RGS17: variants seen among roughly 807,000 people sequenced by gnomAD.
The protein encoded by RGS17 is regulator of G-protein signaling 17.
RGS17 carries 12 observed loss-of-function variants against 25.5 expected under a neutral mutation model. The ratio of observed to expected loss-of-function variants is 0.47; its 90% CI spans 0.30 to 0.76. The LOEUF is 0.76. Ranked by LOEUF, RGS17 falls within the 30% of genes least tolerant of loss-of-function variation. RGS17 has a pLI of 0.07. For missense variants in RGS17, 196 were observed against 242.2 expected (o/e 0.81, Z 1.27); for synonymous variants, 71 against 76.9 (o/e 0.92, Z 0.40).
At chr6:153,039,449 C>G (rs909391663) in intron 2 of RGS17, among the ~76,000 whole-genome samples, 1 of 152,108 alleles carries the variant, frequency 6.6e-6, no homozygotes, top group African/African-American at 2.4e-5. Context: ...TCTCCATAGC[C>G]GTCATCTCAC....
rs774126851 is a variant in RGS17, at chr6:153,011,740, C to T, written c.467G>A (p.Arg156Lys). 1 of 1,608,298 alleles carries T rather than the reference C, an allele frequency of 6.2e-7. No homozygotes were observed. Among genetic ancestry groups the T allele is most frequent in the Admixed American group, 1.7e-5 (1 of 58,394 alleles). Residue 156 changes from arginine to lysine, a missense_variant, in exon 5 of 5, where the codon AGA (arginine) becomes AAA (lysine). By Grantham distance (26) the Arg-to-Lys change is conservative. This residue lies in a region of RGS17 where 179 missense variants were observed against 197.6 expected (regional missense o/e 0.91). Coordinates refer to ENST00000206262, the MANE Select transcript of RGS17 (RefSeq NM_012419.5). ...PKEVSLDSRV[R>K]EVINRNLLDP... ...CAACAGATTTCTATTGATCACCTCT[C>T]TAACTCGAGAATCAAGACTGACCTA...
At chr6:153,026,255 A>G (rs1449788863) in intron 3 of RGS17, among the ~76,000 whole-genome samples, 199 bp downstream of exon 3, 1 of 152,250 alleles carries the variant, frequency 6.6e-6, no homozygotes, top group East Asian at 1.9e-4. Flanking sequence ...TGTTTTAGCC[A>G]ATAACTTAAC....
At chr6:153,103,404 T>C (rs989824435) in intron 1 of RGS17, among the ~76,000 whole-genome samples, 2 of 152,174 alleles carry the variant, frequency 1.3e-5, no homozygotes, top group Non-Finnish European at 2.9e-5. Context: ...GGGTGGAGGA[T>C]GCTGTTGTGA....
chr6:153,069,768 G>GTGTA (rs1554239862), intron 1 of RGS17, among the ~76,000 whole-genome samples: 1 of 151,694 alleles, frequency 6.6e-6, no homozygotes, highest in African/African-American at 2.4e-5. Flanking sequence ...GTGTGTGTGT[G>GTGTA]TGTATCTACT....
intron 1 of RGS17, among the ~76,000 whole-genome samples, chr6:153,107,288 G>A (rs550969326): frequency 3.9e-5 from 6 of 152,110 alleles, no homozygotes; most frequent in South Asian, 4.2e-4. Context: ...AGCCGAGATC[G>A]CGCCATTGCA....
chr6:153,083,949 T>C (rs1020916249), intron 1 of RGS17, among the ~76,000 whole-genome samples: 95 of 152,328 alleles, frequency 6.2e-4, no homozygotes, highest in African/African-American at 2.2e-3. Context: ...GTAAATCTCA[T>C]TTTATGAAAT....
At chr6:153,050,924 A>G (rs1013049570) in intron 1 of RGS17, among the ~76,000 whole-genome samples, 1 of 152,346 alleles carries the variant, frequency 6.6e-6, no homozygotes, top group African/African-American at 2.4e-5. Context: ...TAATTAGGTC[A>G]CAAGAGCAGA....
intron 1 of RGS17, among the ~76,000 whole-genome samples, chr6:153,111,908 C>A (rs1200943243): frequency 2.0e-5 from 3 of 152,146 alleles, no homozygotes; most frequent in Non-Finnish European, 4.4e-5. Flanking sequence ...AAAAGGACGT[C>A]CACACAAACC....
At chr6:153,040,077 A>ATGCCCTGGATTTGAGCATCCATTCCT in intron 2 of RGS17, among the ~76,000 whole-genome samples, 1 of 151,968 alleles carries the variant, frequency 6.6e-6, no homozygotes, top group East Asian at 1.9e-4. Context: ...TGTCCATTTT[A>ATGCCCTGGATTTGAGCATCCATTCCT]TGTGTATTTA....
intron 1 of RGS17, among the ~76,000 whole-genome samples, chr6:153,104,809 C>CGA (rs918292916): frequency 8.5e-4 from 125 of 146,698 alleles, no homozygotes; most frequent in South Asian, 3.0e-3. Flanking sequence ...GGCTACAGAG[C>CGA]GAGACTCTTG....
intron 4 of RGS17, among the ~76,000 whole-genome samples, chr6:153,016,730 G>C (rs1779188856): frequency 6.6e-6 from 1 of 152,176 alleles, no homozygotes; most frequent in Non-Finnish European, 1.5e-5. Flanking sequence ...TGTCTGAAAA[G>C]GCTGTCGATC....
intron 2 of RGS17, among the ~76,000 whole-genome samples, chr6:153,037,654 G>A (rs1458265394): frequency 1.3e-5 from 2 of 151,840 alleles, no homozygotes; most frequent in East Asian, 3.9e-4. Context: ...TCAAACTCCT[G>A]ACCTCGTGAT....
At chr6:153,090,706 G>C (rs1161039065) in intron 1 of RGS17, among the ~76,000 whole-genome samples, 1 of 152,150 alleles carries the variant, frequency 6.6e-6, no homozygotes, top group African/African-American at 2.4e-5. Flanking sequence ...GCATGATTAA[G>C]TCTCACGCTG....
chr6:153,039,928 G>C (rs925954559), intron 2 of RGS17, among the ~76,000 whole-genome samples: 4 of 152,182 alleles, frequency 2.6e-5, no homozygotes, highest in Admixed American at 6.5e-5. Flanking sequence ...AAAGAAAAGG[G>C]AAGAAGGTTA....
At chr6:153,023,517 A>G (rs2098138188) in intron 4 of RGS17, 1 of 269,748 alleles carries the variant, frequency 3.7e-6, no homozygotes, top group African/African-American at 2.2e-5. Flanking sequence ...ACATTTCTCA[A>G]GAACAAATTA....
intron 1 of RGS17, among the ~76,000 whole-genome samples, chr6:153,082,669 T>C (rs1777001580): frequency 6.6e-6 from 1 of 152,204 alleles, no homozygotes; most frequent in Non-Finnish European, 1.5e-5. Context: ...AAATTCTGTT[T>C]CTCTTGGATG....
At chr6:153,075,226 AC>A (rs1776861508) in intron 1 of RGS17, among the ~76,000 whole-genome samples, 1 of 152,204 alleles carries the variant, frequency 6.6e-6, no homozygotes, top group Non-Finnish European at 1.5e-5. Context: ...TAAAGGTAGA[AC>A]ACCAACTACA....
chr6:153,089,378 A>G (rs1001043147), intron 1 of RGS17, among the ~76,000 whole-genome samples: 7 of 152,162 alleles, frequency 4.6e-5, no homozygotes, highest in African/African-American at 1.7e-4. Context: ...AGAAATAGAA[A>G]TAAGTCCATT....
chr6:153,081,672 T>C (rs923020680), intron 1 of RGS17, among the ~76,000 whole-genome samples: 5 of 152,162 alleles, frequency 3.3e-5, no homozygotes, highest in Non-Finnish European at 7.4e-5. Flanking sequence ...TGATTTTACA[T>C]GCCCCCAGTT....
Sources: gnomAD v4.1 joint callset for allele counts (sites outside exome capture counted in the v4.1 genomes callset) on GRCh38, gnomAD v4.1.1 for gene constraint, gnomAD v4.1.1 regional missense constraint, MANE v1.5 for transcripts, NCBI Gene and HGNC (gene_info 2026-07-23, HGNC 2026-07-21) for gene names.